Variants in DOCK5 observed in about 807,000 individuals in gnomAD.
The protein encoded by DOCK5 is dedicator of cytokinesis protein 5.
DOCK5 carries 142 observed loss-of-function variants against 251.8 expected under a neutral mutation model. That is an observed-to-expected ratio of 0.56 (90% CI 0.49 to 0.65). The LOEUF (loss-of-function observed/expected upper bound fraction) is 0.65, where lower values mean the gene tolerates loss of function less well. Ranked by LOEUF, DOCK5 falls within the 30% of genes least tolerant of loss-of-function variation. The pLI is 0.00. For missense variants in DOCK5, 2,111 were observed against 2,312.3 expected, an observed-to-expected ratio of 0.91 and a Z score of 1.79; for synonymous variants, 842 against 835.5, an observed-to-expected ratio of 1.01 and a Z score of -0.13.
chr8:25,281,322 G>A (rs1007986473), intron 5 of DOCK5, among the ~76,000 whole-genome samples: 1 of 151,920 alleles, frequency 6.6e-6, no homozygotes, highest in Non-Finnish European at 1.5e-5. Context: ...CAGCTACTCG[G>A]GAGGCTGAGG....
intron 27 of DOCK5, among the ~76,000 whole-genome samples, chr8:25,354,027 T>TTAAAAAAAAAAAAAAAAAA (rs1335448074): frequency 1.3e-4 from 1 of 7,756 alleles, no homozygotes; most frequent in African/African-American, 2.0e-4. Context: ...GACTTTGTCT[T>TTAAAAAAAAAAAAAAAAAA]AAAAAAAAAA....
At chr8:25,391,775 A>T (rs1801263450) in intron 42 of DOCK5, 121 bp from the exon 43 acceptor site, 4 of 696,340 alleles carry the variant, frequency 5.7e-6, no homozygotes, top group Non-Finnish European at 9.3e-6. Context: ...ACTATTGATT[A>T]TGAGATAGCT....
At chr8:25,355,221 G>A (rs1422257694) in intron 27 of DOCK5, among the ~76,000 whole-genome samples, 1 of 152,072 alleles carries the variant, frequency 6.6e-6, no homozygotes, top group South Asian at 2.1e-4. Context: ...GTGACAGAAT[G>A]AGAACCTGTC....
Position 25,411,878 on chromosome 8 carries a change from G to C in DOCK5, c.*580G>C, listed in dbSNP as rs975188832. 1 of 152,088 alleles carries C rather than the reference G, an allele frequency of 6.6e-6. No homozygotes were observed. Among genetic ancestry groups the C allele is most frequent in the Non-Finnish European group, 1.5e-5 (1 of 68,042 alleles). 9.4% of individuals were successfully genotyped at this position (152,088 alleles called of 1,614,324 possible). On this transcript the variant is annotated 3_prime_UTR_variant, in exon 52 of 52. Coordinates refer to ENST00000276440, the MANE Select transcript of DOCK5 (RefSeq NM_024940.8). ...TTTTAATGGAGATTGGCTGCTTTCA[G>C]GTATGTGTGTCTATCATTGAAAGAG...
intron 42 of DOCK5, among the ~76,000 whole-genome samples, chr8:25,390,796 A>C (rs1801243428): frequency 1.4e-5 from 2 of 146,292 alleles, no homozygotes; most frequent in South Asian, 4.6e-4. Flanking sequence ...ATGTATGTGT[A>C]AGTGCATACA....
rs772729468 is a variant in DOCK5 at position 25,374,572 on chromosome 8, A to G, written c.3734A>G (p.Tyr1245Cys). 9 of 1,608,068 alleles carry G rather than the reference A, an allele frequency of 5.6e-6. No individual in the cohort carries two copies. The Admixed American group carries it at 1.5e-4, about 28-fold the overall frequency. The change falls in exon 37 of 52, where the codon TAC becomes TGC. Residue 1245 changes from tyrosine to cysteine, a missense_variant. Tyr to Cys is a radical substitution (Grantham distance 194, BLOSUM62 -2). Transcript: ENST00000276440. Reference sequence around the variant, plus strand: ...TCTCCCCTTCTTGCCAGATATCTGTACAAGCTTCGAGATTTGCACCGAGAC... The same window carrying G: ...TCTCCCCTTCTTGCCAGATATCTGTGCAAGCTTCGAGATTTGCACCGAGAC... The part of the protein sequence containing the change: ...KREDIYIRYL[Y>C]KLRDLHRDCE...
At chr8:25,275,560 C>A (rs546242415) in intron 4 of DOCK5, 119 bp downstream of exon 4, 1 of 1,006,846 alleles carries the variant, frequency 9.9e-7, no homozygotes, top group Non-Finnish European at 1.4e-6. Flanking sequence ...TCAGGCCAGG[C>A]GTGGTGGCTC....
In DOCK5 at chr8:25,210,106, A is replaced by G. The variant is rs1459019780; in HGVS notation, c.43+25155A>G. ...TATCTATCTATCTATCTATCTATCT[A>G]TCTATCTATCTATCTATCTATCTAT... On this transcript the variant is annotated intron_variant, in intron 1 of 51. Transcript: ENST00000276440. Among the ~76,000 whole-genome samples the G allele has an allele frequency of 1.5e-3, 71 of 48,126 alleles. 19 individuals are homozygous for G. The highest frequency in any genetic ancestry group is 3.4e-3 in the African/African-American group (70 of 20,824). 31.6% of individuals were successfully genotyped at this position (48,126 alleles called of 152,430 possible).
chr8:25,271,017 T>G, intron 3 of DOCK5: 1 of 445,542 alleles, frequency 2.2e-6, no homozygotes, highest in Non-Finnish European at 4.0e-6. Flanking sequence ...TACTTTTTTT[T>G]TCTATATTTT....
At chr8:25,338,123 A>C (rs556701102) in intron 22 of DOCK5, among the ~76,000 whole-genome samples, 8 of 149,750 alleles carry the variant, frequency 5.3e-5, no homozygotes, top group South Asian at 4.2e-4. Context: ...GGGTCACTGC[A>C]CTCTGCTTCC....
At chr8:25,194,600 C>T (rs1375505210) in intron 1 of DOCK5, among the ~76,000 whole-genome samples, 1 of 152,128 alleles carries the variant, frequency 6.6e-6, no homozygotes, top group Non-Finnish European at 1.5e-5. Context: ...CAGCCTTCCA[C>T]ATGGATAGCC....
At position 25,184,895 on chromosome 8, in the gene DOCK5, G is replaced by T. The variant is rs1482033213; in HGVS notation, c.-14G>T. ...CAGCCTTAGTCGCCGCCGCCGCGGG[G>T]CGAGGTCGCCGCCATGGCCCGCTGG... On this transcript the variant is annotated 5_prime_UTR_variant, in exon 1 of 52. Coordinates refer to ENST00000276440, the MANE Select transcript of DOCK5 (RefSeq NM_024940.8). 1.4e-6 allele frequency: 2 copies of T among 1,401,068 alleles called. No individual in the cohort carries two copies. The highest frequency in any genetic ancestry group is 5.7e-5 in the Admixed American group (2 of 35,348). The allele number at this position is 1,401,068 out of a possible 1,614,324, so 86.8% of individuals were successfully genotyped here.
intron 2 of DOCK5, among the ~76,000 whole-genome samples, chr8:25,254,804 AACATTTGAT>A (rs1563326307): frequency 4.1e-5 from 6 of 145,582 alleles, no homozygotes; most frequent in South Asian, 2.1e-4. Context: ...AAAAAAAAAA[AACATTTGAT>A]AAAGGACTAT....
chr8:25,209,926 A>T (rs1173600768), intron 1 of DOCK5, among the ~76,000 whole-genome samples: 1 of 62,486 alleles, frequency 1.6e-5, no homozygotes, highest in African/African-American at 3.7e-5. Context: ...TCTGTTGCCT[A>T]GAGTGCAGTG....
At chr8:25,190,696 A>G (rs920226279) in intron 1 of DOCK5, among the ~76,000 whole-genome samples, 2 of 147,468 alleles carry the variant, frequency 1.4e-5, no homozygotes, top group Admixed American at 7.0e-5. Context: ...CTTGTTGACC[A>G]CCTCTTTGCA....
intron 13 of DOCK5, among the ~76,000 whole-genome samples, chr8:25,315,503 C>T (rs191852686): frequency 6.6e-6 from 1 of 152,320 alleles, no homozygotes; most frequent in East Asian, 1.9e-4. Context: ...CCAGCACACG[C>T]CTGCTGCAGA....
At chr8:25,315,415 G>C (rs898557421) in intron 13 of DOCK5, among the ~76,000 whole-genome samples, 2 of 152,138 alleles carry the variant, frequency 1.3e-5, no homozygotes, top group African/African-American at 2.4e-5. Flanking sequence ...TTATTTGACT[G>C]GTGCTTCTCT....
chr8:25,207,440 C>A (rs1802027133), intron 1 of DOCK5, among the ~76,000 whole-genome samples: 1 of 152,178 alleles, frequency 6.6e-6, no homozygotes, highest in South Asian at 2.1e-4. Flanking sequence ...TGACGGGCAT[C>A]AAAGGATAGG....
At chr8:25,266,835 G>A (rs191446382) in intron 2 of DOCK5, among the ~76,000 whole-genome samples, 1,707 of 115,570 alleles carry the variant, frequency 0.015, 70 homozygotes, top group African/African-American at 0.042. Context: ...GAAGACATAG[G>A]AGGTTAAAAA....
Sources: allele counts gnomAD v4.1 joint callset (sites outside exome capture counted in the v4.1 genomes callset), GRCh38; gene constraint gnomAD v4.1.1; transcripts MANE v1.5; gene names NCBI Gene and HGNC (gene_info 2026-07-23, HGNC 2026-07-21).